Variants in CNTN5 observed in about 807,000 individuals in gnomAD.
CNTN5 encodes contactin-5.
CNTN5 carries 77 observed loss-of-function variants against 129.1 expected under a neutral mutation model. The observed-to-expected ratio is 0.60, with a 90% CI of 0.50 to 0.72. CNTN5 has a LOEUF of 0.72. CNTN5 is among the 30% of genes least tolerant of loss of function. CNTN5 has a pLI of 0.00. For synonymous variants in CNTN5, 509 were observed against 465.6 expected, an observed-to-expected ratio of 1.09 and a Z score of -1.20; for missense variants, 1,478 against 1,328.8, an observed-to-expected ratio of 1.11 and a Z score of -1.75.
intron 2 of CNTN5, among the ~76,000 whole-genome samples, chr11:99,396,612 G>A (rs766635023): frequency 6.5e-4 from 98 of 151,694 alleles, no homozygotes; most frequent in Non-Finnish European, 1.1e-3. Flanking sequence ...TGAAACCAAA[G>A]AGTAAGTAGT....
At chr11:99,146,205 A>G (rs1859775722) in intron 1 of CNTN5, among the ~76,000 whole-genome samples, 1 of 152,144 alleles carries the variant, frequency 6.6e-6, no homozygotes, top group African/African-American at 2.4e-5. Context: ...CCCTTCTCCA[A>G]AAGAGGATTG....
chr11:99,853,892 A>G (rs1947952655), intron 6 of CNTN5, among the ~76,000 whole-genome samples: 1 of 152,186 alleles, frequency 6.6e-6, no homozygotes, highest in African/African-American at 2.4e-5. Flanking sequence ...CACAGCTAGT[A>G]AGTAATAAAA....
At chr11:100,111,461 TGA>T (rs1491583258) in intron 13 of CNTN5, among the ~76,000 whole-genome samples, 2 of 152,156 alleles carry the variant, frequency 1.3e-5, no homozygotes, top group African/African-American at 4.8e-5. Context: ...AATCTGTCCC[TGA>T]AGTTCTCAGA....
At chr11:99,638,644 G>C (rs1381425965) in intron 3 of CNTN5, among the ~76,000 whole-genome samples, 1 of 152,146 alleles carries the variant, frequency 6.6e-6, no homozygotes, top group African/African-American at 2.4e-5. Context: ...CTAAAACAAA[G>C]GGGTTTTCAG....
intron 3 of CNTN5, among the ~76,000 whole-genome samples, chr11:99,647,204 T>A (rs963734776): frequency 1.3e-5 from 2 of 152,122 alleles, no homozygotes; most frequent in African/African-American, 4.8e-5. Context: ...AGCTTCAGTC[T>A]ATTTAGTGCT....
At chr11:100,004,360 G>A (rs1388137518) in intron 9 of CNTN5, among the ~76,000 whole-genome samples, 2 of 151,976 alleles carry the variant, frequency 1.3e-5, no homozygotes, top group South Asian at 2.1e-4. Flanking sequence ...CTCTCCCCCT[G>A]TTCTTTCCAT....
intron 3 of CNTN5, among the ~76,000 whole-genome samples, chr11:99,754,123 T>C (rs1944333669): frequency 6.6e-6 from 1 of 152,240 alleles, no homozygotes; most frequent in South Asian, 2.1e-4. Context: ...CCAAACTGGC[T>C]TTATGGCTGT....
At chr11:100,073,353 T>C (rs1256506429) in intron 12 of CNTN5, among the ~76,000 whole-genome samples, 2 of 152,108 alleles carry the variant, frequency 1.3e-5, no homozygotes, top group East Asian at 3.9e-4. Context: ...GGCTAATTTC[T>C]TTGGTTTTAA....
intron 1 of CNTN5, among the ~76,000 whole-genome samples, chr11:99,259,422 T>C (rs1386409739): frequency 1.3e-5 from 2 of 151,928 alleles, no homozygotes; most frequent in African/African-American, 2.4e-5. Flanking sequence ...TCATACTAAA[T>C]ACAATTTACT....
In CNTN5 at chr11:99,320,069, G is replaced by A. The variant is rs138598725; in HGVS notation, c.-209-5277G>A. The stretch of plus-strand genomic sequence containing the variant: ...AGCCTGGCCAACATAGTGAAACACC[G>A]TCTCTACTGAAAATACAAAAATTAG... On this transcript the variant is annotated intron_variant, in intron 1 of 24. Transcript: ENST00000524871. 5.3e-5 allele frequency among the ~76,000 whole-genome samples: 8 copies of A among 152,092 alleles called. No homozygotes were observed. The East Asian group carries it at 7.7e-4, about 15-fold the overall frequency.
intron 1 of CNTN5, among the ~76,000 whole-genome samples, chr11:99,222,051 A>G (rs1022447902): frequency 6.6e-6 from 1 of 151,872 alleles, no homozygotes; most frequent in African/African-American, 2.4e-5. Context: ...ATTCATCCTC[A>G]TGTATTTGCT....
At chr11:99,448,495 C>T (rs770932688) in intron 2 of CNTN5, among the ~76,000 whole-genome samples, 42 of 151,714 alleles carry the variant, frequency 2.8e-4, no homozygotes, top group Non-Finnish European at 4.7e-4. Flanking sequence ...AGAAACCTTT[C>T]GATTTTATAA....
At chr11:99,082,319 G>T (rs966028232) in intron 1 of CNTN5, among the ~76,000 whole-genome samples, 17 of 152,044 alleles carry the variant, frequency 1.1e-4, no homozygotes, top group African/African-American at 4.1e-4. Flanking sequence ...TGAGTAGCTG[G>T]GACTACAGGC....
At chr11:100,029,914 A>G (rs1591084112) in intron 9 of CNTN5, among the ~76,000 whole-genome samples, 1 of 152,222 alleles carries the variant, frequency 6.6e-6, no homozygotes, top group East Asian at 1.9e-4. Context: ...CATCTATTTA[A>G]AAATGTAGAG....
intron 1 of CNTN5, among the ~76,000 whole-genome samples, chr11:99,149,375 AT>A (rs1442282976): frequency 6.6e-6 from 1 of 152,184 alleles, no homozygotes; most frequent in East Asian, 1.9e-4. Flanking sequence ...TCCAAATTTT[AT>A]TGAATAATAT....
chr11:100,200,104 G>C (rs1948743024), intron 15 of CNTN5, among the ~76,000 whole-genome samples: 1 of 151,902 alleles, frequency 6.6e-6, no homozygotes, highest in Non-Finnish European at 1.5e-5. Context: ...GTTTGGAATT[G>C]AATGAAAGAT....
chr11:99,861,640 T>C (rs1948210130), intron 6 of CNTN5, among the ~76,000 whole-genome samples: 1 of 152,210 alleles, frequency 6.6e-6, no homozygotes, highest in South Asian at 2.1e-4. Flanking sequence ...GTAATTTGAC[T>C]ATAAATATTA....
At chr11:99,147,805 A>T (rs962999055) in intron 1 of CNTN5, among the ~76,000 whole-genome samples, 8 of 152,142 alleles carry the variant, frequency 5.3e-5, no homozygotes, top group Middle Eastern at 3.2e-3. Flanking sequence ...ACAGAGACCT[A>T]TTGTGTCATT....
intron 1 of CNTN5, among the ~76,000 whole-genome samples, chr11:99,057,058 G>C (rs1288284884): frequency 2.0e-5 from 3 of 151,962 alleles, no homozygotes; most frequent in Non-Finnish European, 4.4e-5. Context: ...AAATTGACAA[G>C]CATGAGCAGC....
Sources: gnomAD v4.1 joint callset for allele counts (sites outside exome capture counted in the v4.1 genomes callset) on GRCh38, gnomAD v4.1.1 for gene constraint, MANE v1.5 for transcripts, NCBI Gene and HGNC (gene_info 2026-07-23, HGNC 2026-07-21) for gene names.